COTL1: variants seen among roughly 807,000 people sequenced by gnomAD.
COTL1 encodes the protein coactosin-like protein.
In COTL1, 15 loss-of-function variants were observed where a neutral mutation model predicts 16.5. The observed-to-expected ratio is 0.91, with a 90% confidence interval of 0.61 to 1.40. COTL1 has a LOEUF of 1.40. Ranked by LOEUF, COTL1 falls within the 40% of genes most tolerant of loss-of-function variation. COTL1 has a pLI of 0.00. For missense variants in COTL1, 220 were observed against 201.5 expected, an observed-to-expected ratio of 1.09 and a Z score of -0.56; for synonymous variants, 112 against 85.3, an observed-to-expected ratio of 1.31 and a Z score of -1.73.
In COTL1 at chr16:84,584,859, G is replaced by T. The variant is rs184073776; in HGVS notation, c.318+5246C>A. 7.9e-5 allele frequency among the ~76,000 whole-genome samples: 12 copies of T among 152,210 alleles called. No individual in the cohort carries two copies. In the East Asian group the frequency reaches 2.3e-3, roughly 29 times the overall value. On this transcript the variant is annotated intron_variant, in intron 3 of 3. Transcript: ENST00000262428. ...ATATTGCCCTTACTTTATACATCAG[G>T]TGACTGAGCCCAGAGAGGGTAAGCC...
rs915426644 is a variant in COTL1 at position 84,617,410 on chromosome 16, G to T, written c.160+91C>A. The T allele has an allele frequency of 6.4e-6, 8 of 1,255,062 alleles. No homozygotes were observed. In the African/African-American group the frequency reaches 1.0e-4, roughly 16 times the overall value. 77.7% of individuals were successfully genotyped at this position (1,255,062 alleles called of 1,614,324 possible). A position where few individuals can be genotyped will look rare whatever the true frequency, so the allele number is the denominator to read the frequency against. ...GCCAGGGGCACCCCATGTGGCCACC[G>T]GTTCCTCCCGGGTTCGCTCTGGCCG... is the stretch of plus-strand genomic sequence containing the variant. On this transcript the variant is annotated intron_variant, in intron 2 of 3. Coordinates refer to ENST00000262428, the MANE Select transcript of COTL1 (RefSeq NM_021149.5).
intron 3 of COTL1, among the ~76,000 whole-genome samples, chr16:84,579,678 C>T (rs1169151146): frequency 3.9e-5 from 6 of 152,152 alleles, no homozygotes; most frequent in African/African-American, 1.4e-4. Context: ...CAAACCACAG[C>T]GACTTAGAAT....
intron 3 of COTL1, among the ~76,000 whole-genome samples, chr16:84,578,880 TACAC>T (rs974168006): frequency 2.0e-5 from 3 of 148,812 alleles, no homozygotes; most frequent in Admixed American, 1.3e-4. Context: ...CAGGCATGCA[TACAC>T]ACAGACGCAT....
intron 2 of COTL1, among the ~76,000 whole-genome samples, chr16:84,612,359 G>A (rs1162962134): frequency 1.3e-5 from 2 of 152,302 alleles, no homozygotes; most frequent in Middle Eastern, 3.4e-3. Context: ...TCTAATGCGT[G>A]TCCACATGGG....
At chr16:84,613,040 G>A (rs1426196740) in intron 2 of COTL1, among the ~76,000 whole-genome samples, 1 of 146,274 alleles carries the variant, frequency 6.8e-6, no homozygotes, top group Non-Finnish European at 1.5e-5. Flanking sequence ...TCACTCTGCT[G>A]CCCAGGCTAG....
Position 84,590,437 on chromosome 16 carries a change from T to A in COTL1, c.161-175A>T. 2 of 595,570 alleles carry A rather than the reference T, an allele frequency of 3.4e-6. No individual in the cohort carries two copies. The highest frequency in any genetic ancestry group is 2.8e-6 in the Non-Finnish European group (1 of 353,208). The allele number at this position is 595,570 out of a possible 1,614,324, so 36.9% of individuals were successfully genotyped here. ...GGAGGGAAGCACTCATCCGCTGCCCTTGTCACACTCCCCTGAATCCTGGCA... is the reference window on the plus strand; with the variant it reads ...GGAGGGAAGCACTCATCCGCTGCCCATGTCACACTCCCCTGAATCCTGGCA... On this transcript the variant is annotated intron_variant, in intron 2 of 3. Transcript: ENST00000262428. The surrounding 1 kb of genome is among the most constrained non-coding windows in gnomAD (Gnocchi z 5.5).
chr16:84,578,132 G>A (rs960492489), intron 3 of COTL1, among the ~76,000 whole-genome samples: 5 of 151,664 alleles, frequency 3.3e-5, no homozygotes, highest in South Asian at 2.1e-4. Flanking sequence ...CCCTTAACCC[G>A]GAGCTCCAAA....
At position 84,590,465 on chromosome 16, in the gene COTL1, A is replaced by G; in HGVS notation, c.161-203T>C. 1 of 494,310 alleles carries G rather than the reference A, an allele frequency of 2.0e-6. No individual in the cohort carries two copies. The highest frequency in any genetic ancestry group is 3.5e-6 in the Non-Finnish European group (1 of 281,896). The allele number at this position is 494,310 out of a possible 1,614,324, so 30.6% of individuals were successfully genotyped here. ...TCACACTCCCCTGAATCCTGGCAAC[A>G]GTGCTGCAGGCTTCATGCCCATTTC... On this transcript the variant is annotated intron_variant, in intron 2 of 3. Transcript: ENST00000262428. This position sits in a 1 kb window ranked among gnomAD's most constrained non-coding sequence, Gnocchi z 5.5.
At chr16:84,617,228 C>G (rs78267362) in intron 2 of COTL1, among the ~76,000 whole-genome samples, 2,573 of 152,288 alleles carry the variant, frequency 0.017, 74 homozygotes, top group East Asian at 0.1. Context: ...CCTTAGAAAA[C>G]CAGTGGACCG....
Position 84,612,680 on chromosome 16 carries a change from G to A in COTL1, c.160+4821C>T, listed in dbSNP as rs546599042. Among the ~76,000 whole-genome samples, 8 of 152,258 alleles carry A rather than the reference G, an allele frequency of 5.3e-5. No homozygotes were observed. In the East Asian group the frequency reaches 1.4e-3, roughly 26 times the overall value. ...TGCCTGTAGTCCCAGCTACTTGGGA[G>A]GCTGAGGCAGGAGAATCTCTTGACC... On this transcript the variant is annotated intron_variant, in intron 2 of 3. Transcript: ENST00000262428.
chr16:84,586,314 C>T (rs948990115), intron 3 of COTL1, among the ~76,000 whole-genome samples: 2 of 152,190 alleles, frequency 1.3e-5, no homozygotes, highest in African/African-American at 4.8e-5. Context: ...AGCTTGCAAA[C>T]GTAAGAATTA....
chr16:84,573,944 C>G (rs916870613), intron 3 of COTL1, among the ~76,000 whole-genome samples: 1 of 152,066 alleles, frequency 6.6e-6, no homozygotes, highest in South Asian at 2.1e-4. Flanking sequence ...TCGCTTGAAC[C>G]CCGGAGTTCC....
intron 2 of COTL1, chr16:84,595,443 C>T (rs1904978315): frequency 6.6e-6 from 1 of 152,248 alleles, no homozygotes; most frequent in African/African-American, 2.4e-5. Context: ...GAGGCCTCTC[C>T]CCAACCCTGC....
At chr16:84,617,669 G>C (rs1284691045) in intron 1 of COTL1, 86 bp from the exon 2 acceptor site, 2 of 1,440,800 alleles carry the variant, frequency 1.4e-6, no homozygotes, top group Non-Finnish European at 1.9e-6. Context: ...CAATCTAACA[G>C]ACGCGCTGGC....
chr16:84,591,634 TAAAAAAAAAAAAAAAAAA>T (rs372775821), intron 2 of COTL1, among the ~76,000 whole-genome samples: 1 of 75,198 alleles, frequency 1.3e-5, no homozygotes, highest in Non-Finnish European at 2.6e-5. Flanking sequence ...ATCACCTCTC[TAAAAAAAAAAAAAAAAAA>T]AAAAAAAAAA....
intron 2 of COTL1, among the ~76,000 whole-genome samples, chr16:84,617,290 G>A (rs1364396942): frequency 1.3e-5 from 2 of 152,208 alleles, no homozygotes; most frequent in South Asian, 2.1e-4. Context: ...GGATGGCGGA[G>A]GCAGGTGGGT....
At chr16:84,615,644 G>A (rs904335189) in intron 2 of COTL1, among the ~76,000 whole-genome samples, 52 of 152,240 alleles carry the variant, frequency 3.4e-4, no homozygotes, top group African/African-American at 1.2e-3. Context: ...GGCTGTTCAC[G>A]GACCGGAGGG....
intron 3 of COTL1, among the ~76,000 whole-genome samples, chr16:84,587,031 G>A (rs188363011): frequency 3.9e-5 from 6 of 152,296 alleles, no homozygotes; most frequent in Admixed American, 2.0e-4. Flanking sequence ...GGCCAAGCAC[G>A]GCGGGCGGAA....
intron 3 of COTL1, among the ~76,000 whole-genome samples, chr16:84,586,005 C>A (rs986143809): frequency 2.6e-5 from 4 of 152,184 alleles, no homozygotes; most frequent in Non-Finnish European, 2.9e-5. Context: ...CGCCTCCCTG[C>A]CCAAAGGCGT....
Sources: gnomAD v4.1 joint callset for allele counts (sites outside exome capture counted in the v4.1 genomes callset) on GRCh38, gnomAD v4.1.1 for gene constraint, Gnocchi (gnomAD v3.1) non-coding constraint, MANE v1.5 for transcripts, NCBI Gene and HGNC (gene_info 2026-07-23, HGNC 2026-07-21) for gene names.